The following MAPT variants were observed in gnomAD, a reference collection of about 807,000 sequenced individuals.
The protein encoded by MAPT is microtubule-associated protein tau.
MAPT carries 34 observed loss-of-function variants against 67.9 expected under a neutral mutation model. The observed-to-expected ratio is 0.50, with a 90% CI of 0.38 to 0.67. MAPT has a LOEUF of 0.67. Among genes scored for constraint, MAPT ranks in the 30% least tolerant of loss-of-function variants. The pLI is 0.00. For missense variants in MAPT, 881 were observed against 1,115.2 expected, an observed-to-expected ratio of 0.79 and a Z score of 2.99; for synonymous variants, 456 against 464.5, an observed-to-expected ratio of 0.98 and a Z score of 0.23.
chr17:45,994,546 G>A (rs1211354991), intron 8 of MAPT, among the ~76,000 whole-genome samples: 1 of 152,174 alleles, frequency 6.6e-6, no homozygotes, highest in African/African-American at 2.4e-5. Context: ...AAATCCGCAG[G>A]GCACGGTGGC....
chr17:45,955,014 A>C lies in MAPT; in HGVS notation c.-17-7307A>C, dbSNP rs73314917. The stretch of plus-strand genomic sequence containing the variant: ...ACAAAAACAAAAACAAAAACAAAAA[A>C]AAATTATAATGAAAGCCAAGGGGCA... On this transcript the variant is annotated intron_variant, in intron 1 of 12. Coordinates refer to ENST00000262410, the MANE Select transcript of MAPT (RefSeq NM_001377265.1). 8.2e-4 allele frequency among the ~76,000 whole-genome samples: 122 copies of C among 148,622 alleles called. 1 individual carries two copies. In the Middle Eastern group the frequency reaches 0.01, roughly 12 times the overall value.
chr17:45,996,151 TG>T lies in MAPT; in HGVS notation c.1733-246del, dbSNP rs928721541. ...TGGCCACCTCTCTGGGAGCGGGTAT[TG>T]GATGGTGGTTGATGGTTTTCCATTG... On this transcript the variant is annotated intron_variant, in intron 8 of 12. Transcript: ENST00000262410. This position sits in a 1 kb window ranked among gnomAD's most constrained non-coding sequence, Gnocchi z 4.5. Among the ~76,000 whole-genome samples, 2 of 152,130 alleles carry T rather than the reference TG, an allele frequency of 1.3e-5. No individual in the cohort carries two copies. The highest frequency in any genetic ancestry group is 4.8e-5 in the African/African-American group (2 of 41,422).
chr17:45,941,692 T>TTCCCTCCTTCCTTCCC (rs1352965099), intron 1 of MAPT, among the ~76,000 whole-genome samples: 2 of 71,718 alleles, frequency 2.8e-5, no homozygotes, highest in Non-Finnish European at 5.3e-5. Context: ...CCTTCCTTCC[T>TTCCCTCCTTCCTTCCC]TCCTTCCTGC....
intron 8 of MAPT, among the ~76,000 whole-genome samples, chr17:45,994,513 C>T (rs1450433032): frequency 6.6e-6 from 1 of 152,152 alleles, no homozygotes; most frequent in African/African-American, 2.4e-5. Context: ...GAGCGTACTA[C>T]TTCAGGAACA....
chr17:45,920,372 A>G (rs2065584050), intron 1 of MAPT, among the ~76,000 whole-genome samples: 2 of 152,274 alleles, frequency 1.3e-5, no homozygotes, highest in African/African-American at 4.8e-5. Context: ...GAGTTTGCAG[A>G]TACTGTCTCT....
At chr17:45,939,771 C>G (rs1001133410) in intron 1 of MAPT, among the ~76,000 whole-genome samples, 3 of 152,228 alleles carry the variant, frequency 2.0e-5, no homozygotes, top group African/African-American at 7.2e-5. Flanking sequence ...GGAACAGCCA[C>G]TCTCCAGTGT....
At chr17:45,991,836 G>A (rs907551865) in intron 8 of MAPT, among the ~76,000 whole-genome samples, 1 of 150,858 alleles carries the variant, frequency 6.6e-6, no homozygotes, top group South Asian at 2.1e-4. Flanking sequence ...CCAGGCCGGA[G>A]TGCAGTGGTG....
At chr17:46,014,446 T>C (rs2076020618) in intron 11 of MAPT, 122 bp downstream of exon 11, 2 of 759,388 alleles carry the variant, frequency 2.6e-6, no homozygotes, top group Admixed American at 2.0e-5. Flanking sequence ...TAGACCTACA[T>C]CAAGGAAAGT....
In MAPT at chr17:46,006,683, G is replaced by T. The variant is rs536770393; in HGVS notation, c.1999-3627G>T. 1.6e-3 allele frequency among the ~76,000 whole-genome samples: 238 copies of T among 152,108 alleles called. 1 individual carries two copies. Among genetic ancestry groups the T allele is most frequent in the African/African-American group, 5.6e-3 (231 of 41,480 alleles). ...TAATCCCAGCACTTTGGGAGGCCGAGGCGGGCCGATCACGAGGTCAGGAGA... is the reference window on the plus strand; with the variant it reads ...TAATCCCAGCACTTTGGGAGGCCGATGCGGGCCGATCACGAGGTCAGGAGA... On this transcript the variant is annotated intron_variant, in intron 9 of 12. Transcript: ENST00000262410.
chr17:46,004,129 C>A (rs118161002), intron 9 of MAPT, among the ~76,000 whole-genome samples: 1 of 152,154 alleles, frequency 6.6e-6, no homozygotes, highest in Non-Finnish European at 1.5e-5. Context: ...CACAGCACAG[C>A]GAGCACCAGG....
At chr17:45,978,687 C>T in intron 4 of MAPT, 1 of 521,394 alleles carries the variant, frequency 1.9e-6, no homozygotes, top group Non-Finnish European at 3.4e-6. Flanking sequence ...CTTGTCCAGC[C>T]TGGGAGTTGA....
At chr17:46,018,555 A>G in intron 11 of MAPT, 63 bp from the exon 12 acceptor site, 1 of 1,208,780 alleles carries the variant, frequency 8.3e-7, no homozygotes, top group Non-Finnish European at 1.2e-6. Flanking sequence ...CATGTAATGT[A>G]TGTTAAGTCC....
At chr17:45,904,036 T>A (rs1464922873) in intron 1 of MAPT, among the ~76,000 whole-genome samples, 2 of 28,880 alleles carry the variant, frequency 6.9e-5, no homozygotes, top group African/African-American at 2.5e-4. Context: ...ATTTATATAT[T>A]ATATATTTAT....
At chr17:45,948,771 T>TGGAAA (rs1235161928) in intron 1 of MAPT, among the ~76,000 whole-genome samples, 21 of 152,198 alleles carry the variant, frequency 1.4e-4, no homozygotes, top group Non-Finnish European at 2.6e-4. Flanking sequence ...CTGGAAATGC[T>TGGAAA]TCAAACATGG....
rs141507293 is a variant in MAPT at position 45,960,249 on chromosome 17, G to A, written c.-17-2072G>A. On this transcript the variant is annotated intron_variant, in intron 1 of 12. Transcript: ENST00000262410. Reference sequence around the variant, plus strand: ...CTTTTGCTTCAAGGCCATTTTTCACGAAGCAGTGGCATTTTTGCCTCTTCA... The same window carrying A: ...CTTTTGCTTCAAGGCCATTTTTCACAAAGCAGTGGCATTTTTGCCTCTTCA... Among the ~76,000 whole-genome samples, 21 of 152,366 alleles carry A rather than the reference G, an allele frequency of 1.4e-4. No homozygotes were observed. In the East Asian group the frequency reaches 3.5e-3, roughly 25 times the overall value.
intron 1 of MAPT, among the ~76,000 whole-genome samples, chr17:45,928,897 C>T (rs912731190): frequency 6.6e-6 from 1 of 152,054 alleles, no homozygotes; most frequent in African/African-American, 2.4e-5. Flanking sequence ...GGGGTTTCAC[C>T]GTGTTAGCCA....
At chr17:46,020,799 A>T (rs573909124) in intron 12 of MAPT, among the ~76,000 whole-genome samples, 1 of 152,320 alleles carries the variant, frequency 6.6e-6, no homozygotes, top group African/African-American at 2.4e-5. Flanking sequence ...GGTCCCTCCC[A>T]CAACATGTAG....
chr17:45,992,487 C>T (rs118020479), intron 8 of MAPT, among the ~76,000 whole-genome samples: 3,204 of 152,322 alleles, frequency 0.021, 166 homozygotes, highest in East Asian at 0.13. Flanking sequence ...CTTAGCTGAG[C>T]AGTCACAGGC....
chr17:46,010,341 G>A lies in MAPT; in HGVS notation c.2030G>A (p.Ser677Asn). ...VQIINKKLDL[S>N]NVQSKCGSKD... ...ATAATTAATAAGAAGCTGGATCTTAGCAACGTCCAGTCCAAGTGTGGCTCA... is the reference window on the plus strand; with the variant it reads ...ATAATTAATAAGAAGCTGGATCTTAACAACGTCCAGTCCAAGTGTGGCTCA... The change falls in exon 10 of 13, where the codon AGC (serine) becomes AAC (asparagine). Residue 677 changes from serine to asparagine, a missense_variant. Coordinates refer to ENST00000262410, the MANE Select transcript of MAPT (RefSeq NM_001377265.1). The surrounding 1 kb of genome is among the most constrained non-coding windows in gnomAD (Gnocchi z 4.7). The A allele has an allele frequency of 6.3e-7, 1 of 1,580,848 alleles. No homozygotes were observed. Among genetic ancestry groups the A allele is most frequent in the Non-Finnish European group, 8.6e-7 (1 of 1,162,468 alleles).
Sources: gnomAD v4.1 joint callset for allele counts (sites outside exome capture counted in the v4.1 genomes callset) on GRCh38, gnomAD v4.1.1 for gene constraint, Gnocchi (gnomAD v3.1) non-coding constraint, MANE v1.5 for transcripts, NCBI Gene and HGNC (gene_info 2026-07-23, HGNC 2026-07-21) for gene names.